Variants in LRRC37A2 observed in about 807,000 individuals in gnomAD.
LRRC37A2 encodes leucine-rich repeat-containing protein 37A2.
LRRC37A2 carries 9 observed loss-of-function variants against 68.8 expected under a neutral mutation model. The ratio of observed to expected loss-of-function variants is 0.13; its 90% CI spans 0.08 to 0.23. The LOEUF (loss-of-function observed/expected upper bound fraction) is 0.23. Among genes scored for constraint, LRRC37A2 ranks in the 10% least tolerant of loss-of-function variants. The probability of loss-of-function intolerance (pLI) is 1.00; values close to 1 mark genes in which losing one functional copy is unlikely to be tolerated. For synonymous variants in LRRC37A2, 63 were observed against 367.6 expected (o/e 0.17, Z 9.48); for missense variants, 168 against 950.4 (o/e 0.18, Z 10.82).
the LRRC37A2 span, among the ~76,000 whole-genome samples, chr17:46,990,129 C>T: frequency 3.9e-5 from 6 of 152,110 alleles, no homozygotes; most frequent in African/African-American, 1.2e-4. Context: ...GCTATAGGGA[C>T]GCAGGCCTAT....
chr17:46,725,299 C>T, the LRRC37A2 span, among the ~76,000 whole-genome samples: 1 of 152,102 alleles, frequency 6.6e-6, no homozygotes, highest in East Asian at 1.9e-4. Flanking sequence ...AGCTTTTATC[C>T]ACCTCACAGT....
chr17:46,818,586 G>C, the LRRC37A2 span: 1 of 1,602,304 alleles, frequency 6.2e-7, no homozygotes, highest in Non-Finnish European at 8.5e-7. Context: ...GCCCGAGCAG[G>C]TGGGGCTCCA....
the LRRC37A2 span, among the ~76,000 whole-genome samples, chr17:46,951,738 A>G: frequency 6.6e-5 from 10 of 151,980 alleles, no homozygotes; most frequent in East Asian, 1.9e-4. Context: ...GGAAAAGGAA[A>G]CCTCTAATTT....
chr17:46,962,910 A>G, the LRRC37A2 span, among the ~76,000 whole-genome samples: 1 of 152,210 alleles, frequency 6.6e-6, no homozygotes, highest in South Asian at 2.1e-4. Context: ...CTAACTCATC[A>G]TTTTCATCAA....
the LRRC37A2 span, among the ~76,000 whole-genome samples, chr17:46,766,863 A>AG: frequency 6.6e-6 from 1 of 152,156 alleles, no homozygotes; most frequent in African/African-American, 2.4e-5. Flanking sequence ...ATGACCCAGC[A>AG]GGGAAGTGCT....
At chr17:47,028,428 G>A in the LRRC37A2 span, 5 of 995,478 alleles carry the variant, frequency 5.0e-6, no homozygotes, top group Non-Finnish European at 8.0e-6. Flanking sequence ...CAATTATTGG[G>A]TAGCTGGGTA....
the LRRC37A2 span, among the ~76,000 whole-genome samples, chr17:46,734,714 C>A: frequency 2.3e-4 from 35 of 151,914 alleles, no homozygotes; most frequent in South Asian, 1.7e-3. Context: ...TATTAAAGAA[C>A]ATATATATAT....
chr17:46,898,358 A>G, the LRRC37A2 span, among the ~76,000 whole-genome samples: 1 of 152,246 alleles, frequency 6.6e-6, no homozygotes, highest in African/African-American at 2.4e-5. Context: ...TAAATGTTGT[A>G]CATGTAAAAT....
At chr17:46,808,781 G>A in the LRRC37A2 span, among the ~76,000 whole-genome samples, 4 of 152,122 alleles carry the variant, frequency 2.6e-5, no homozygotes, top group East Asian at 3.9e-4. Flanking sequence ...AATAGGAAAC[G>A]TTTACAAGTG....
At chr17:46,851,782 G>A in the LRRC37A2 span, 546 of 878,070 alleles carry the variant, frequency 6.2e-4, 2 homozygotes, top group African/African-American at 8.5e-3. This position sits in a 1 kb window ranked among gnomAD's most constrained non-coding sequence, Gnocchi z 4.3. Flanking sequence ...CGCTACAGCT[G>A]GGCCAATTTT....
At chr17:46,816,475 G>GCACACACACACACACACA in the LRRC37A2 span, among the ~76,000 whole-genome samples, 1 of 144,244 alleles carries the variant, frequency 6.9e-6, no homozygotes, top group Non-Finnish European at 1.5e-5. Context: ...CAGAACACAC[G>GCACACACACACACACACA]CACACACACA....
At chr17:46,779,103 A>ACC in the LRRC37A2 span, among the ~76,000 whole-genome samples, 59 of 133,658 alleles carry the variant, frequency 4.4e-4, 3 homozygotes, top group East Asian at 4.4e-3. Context: ...ACACACACAC[A>ACC]CCCCAGCCCA....
the LRRC37A2 span, among the ~76,000 whole-genome samples, chr17:46,922,176 C>T: frequency 6.6e-6 from 1 of 152,162 alleles, no homozygotes; most frequent in Non-Finnish European, 1.5e-5. Context: ...AGTTCATGTC[C>T]TTTGTAGGGA....
At chr17:46,627,510 G>A in the LRRC37A2 span, among the ~76,000 whole-genome samples, 1 of 137,988 alleles carries the variant, frequency 7.2e-6, no homozygotes, top group African/African-American at 2.8e-5. Context: ...AGATTGCTTA[G>A]TGCTGTCCCA....
the LRRC37A2 span, among the ~76,000 whole-genome samples, chr17:46,948,288 C>T: frequency 6.6e-6 from 1 of 152,334 alleles, no homozygotes; most frequent in Admixed American, 6.5e-5. Flanking sequence ...GCCTACTGCA[C>T]AGCCCAGGAC....
At chr17:47,027,112 C>T in the LRRC37A2 span, among the ~76,000 whole-genome samples, 3 of 152,100 alleles carry the variant, frequency 2.0e-5, no homozygotes, top group Admixed American at 6.6e-5. Context: ...GGGGTTTCAC[C>T]GTGTTAGCCA....
At chr17:46,874,163 G>A in the LRRC37A2 span, among the ~76,000 whole-genome samples, 2 of 152,030 alleles carry the variant, frequency 1.3e-5, no homozygotes, top group Middle Eastern at 3.2e-3. Context: ...GCTGGTGGGA[G>A]GCCAGGTTTG....
At chr17:46,795,500 C>T in the LRRC37A2 span, among the ~76,000 whole-genome samples, 3 of 152,142 alleles carry the variant, frequency 2.0e-5, no homozygotes, top group African/African-American at 7.2e-5. Context: ...CCCCTGACGC[C>T]CTGTCTAACC....
At chr17:47,019,602 T>A in the LRRC37A2 span, 1 of 1,454,196 alleles carries the variant, frequency 6.9e-7, no homozygotes, top group Non-Finnish European at 9.7e-7. Flanking sequence ...TCAGGATTCA[T>A]TGGTGCAGTC....
Sources: gnomAD v4.1 joint callset for allele counts (sites outside exome capture counted in the v4.1 genomes callset) on GRCh38, gnomAD v4.1.1 for gene constraint, Gnocchi (gnomAD v3.1) non-coding constraint, MANE v1.5 for transcripts, NCBI Gene and HGNC (gene_info 2026-07-23, HGNC 2026-07-21) for gene names.